Variants in PRICKLE2 observed in about 807,000 individuals in gnomAD.
PRICKLE2 encodes prickle planar cell polarity protein 2, also known as prickle-like protein 2.
A neutral mutation model predicts 81.4 loss-of-function variants in PRICKLE2; 21 were observed. The observed-to-expected ratio is 0.26, with a 90% confidence interval of 0.18 to 0.37. PRICKLE2 has a LOEUF of 0.37. Ranked by LOEUF, PRICKLE2 falls within the 10% of genes least tolerant of loss-of-function variation. The probability of loss-of-function intolerance (pLI) is 1.00; values close to 1 mark genes in which losing one functional copy is unlikely to be tolerated. For synonymous variants in PRICKLE2, 456 were observed against 421.5 expected (o/e 1.08, Z -1.00); for missense variants, 940 against 1,109.0 (o/e 0.85, Z 2.16).
chr3:64,176,499 A>G (rs1030837736), intron 2 of PRICKLE2, among the ~76,000 whole-genome samples: 4 of 152,232 alleles, frequency 2.6e-5, no homozygotes, highest in African/African-American at 9.6e-5. Context: ...AAGCAAAGAC[A>G]GAAGGAAATT....
intron 1 of PRICKLE2, among the ~76,000 whole-genome samples, chr3:64,205,405 C>T (rs1034003396): frequency 7.2e-5 from 11 of 152,186 alleles, no homozygotes; most frequent in African/African-American, 1.7e-4. Flanking sequence ...GTCATCTGCA[C>T]CAGTGGCCGT....
At chr3:64,130,820 A>G (rs2077186316) in intron 7 of PRICKLE2, among the ~76,000 whole-genome samples, 1 of 152,192 alleles carries the variant, frequency 6.6e-6, no homozygotes, top group Admixed American at 6.5e-5. Context: ...TCCAGGTATC[A>G]GTATTTCTTT....
chr3:64,096,257 AAG>A lies in PRICKLE2; in HGVS notation c.*2792_*2793del, dbSNP rs1172608614. The A allele has an allele frequency of 6.6e-6, 1 of 152,272 alleles. No individual in the cohort carries two copies. Among genetic ancestry groups the A allele is most frequent in the Non-Finnish European group, 1.5e-5 (1 of 68,070 alleles). 9.4% of individuals were successfully genotyped at this position (152,272 alleles called of 1,614,324 possible). A position where few individuals can be genotyped will look rare whatever the true frequency, so the allele number is the denominator to read the frequency against. The stretch of plus-strand genomic sequence containing the variant: ...TCTCTTGAAGATGGAATTATGATCT[AAG>A]AGGAAGTGAGTACAGGCCCTACTCA... On this transcript the variant is annotated 3_prime_UTR_variant, in exon 8 of 8. Coordinates refer to ENST00000638394, the MANE Select transcript of PRICKLE2 (RefSeq NM_198859.4).
At chr3:64,262,551 G>T (rs1274545139) in intron 2 of PRICKLE2, among the ~76,000 whole-genome samples, 1 of 151,852 alleles carries the variant, frequency 6.6e-6, no homozygotes, top group Non-Finnish European at 1.5e-5. Flanking sequence ...CCATGGGCTG[G>T]ATGGCGTCAA....
At chr3:64,113,736 T>C (rs999036223) in intron 7 of PRICKLE2, among the ~76,000 whole-genome samples, 9 of 151,464 alleles carry the variant, frequency 5.9e-5, no homozygotes, top group Admixed American at 3.3e-4. Context: ...CCTGCCCTTA[T>C]ACTAATACTG....
intron 2 of PRICKLE2, among the ~76,000 whole-genome samples, chr3:64,181,035 A>G (rs2078122682): frequency 6.6e-6 from 1 of 152,210 alleles, no homozygotes; most frequent in South Asian, 2.1e-4. Context: ...ATCAGAATCT[A>G]TAACAAATGA....
intron 6 of PRICKLE2, among the ~76,000 whole-genome samples, chr3:64,150,939 AG>A (rs1411612592): frequency 6.6e-6 from 1 of 152,198 alleles, no homozygotes; most frequent in Non-Finnish European, 1.5e-5. Context: ...CATCTGGAAA[AG>A]GGCTCTGCTG....
At chr3:64,228,723 G>C (rs1017799277), upstream of PRICKLE2, among the ~76,000 whole-genome samples, 5 of 152,148 alleles carry the variant, frequency 3.3e-5, no homozygotes, top group African/African-American at 1.2e-4. Flanking sequence ...ATACATATGA[G>C]AAACTCAACC....
At chr3:64,152,278 T>C (rs2077559838) in intron 6 of PRICKLE2, among the ~76,000 whole-genome samples, 1 of 152,196 alleles carries the variant, frequency 6.6e-6, no homozygotes, top group East Asian at 1.9e-4. Flanking sequence ...AGCCACTGGA[T>C]GATCTGGCTG....
At chr3:64,131,136 C>T (rs1424643168) in intron 7 of PRICKLE2, among the ~76,000 whole-genome samples, 3 of 152,188 alleles carry the variant, frequency 2.0e-5, no homozygotes, top group East Asian at 1.9e-4. Context: ...TGGTCCCAGT[C>T]GCTGAATTTG....
intron 1 of PRICKLE2, chr3:64,199,194 T>C (rs1232351506): frequency 1.7e-6 from 1 of 602,018 alleles, no homozygotes; most frequent in East Asian, 2.8e-5. Flanking sequence ...CAGGTAAGCA[T>C]GCTAAGGGTG....
chr3:64,202,390 A>G (rs2078599518), intron 1 of PRICKLE2, among the ~76,000 whole-genome samples: 1 of 152,206 alleles, frequency 6.6e-6, no homozygotes, highest in African/African-American at 2.4e-5. Context: ...ATCCATGAAC[A>G]CAGGCTACCT....
At chr3:64,115,397 C>T (rs1289857821) in intron 7 of PRICKLE2, among the ~76,000 whole-genome samples, 1 of 152,144 alleles carries the variant, frequency 6.6e-6, no homozygotes, top group Non-Finnish European at 1.5e-5. Flanking sequence ...TTAAAAGACA[C>T]AGTGTGGCAA....
chr3:64,105,581 G>C (rs575457622), intron 7 of PRICKLE2: 6 of 152,276 alleles, frequency 3.9e-5, no homozygotes, highest in African/African-American at 1.2e-4. Flanking sequence ...CTCCATCTCT[G>C]GTGATTCATT....
At chr3:64,234,878 G>C (rs1044226193) in intron 2 of PRICKLE2, among the ~76,000 whole-genome samples, 2 of 152,080 alleles carry the variant, frequency 1.3e-5, no homozygotes, top group Non-Finnish European at 2.9e-5. Context: ...TACCTACTTG[G>C]AGTACTTTGG....
intron 7 of PRICKLE2, among the ~76,000 whole-genome samples, chr3:64,125,343 T>C (rs1179944135): frequency 2.0e-5 from 3 of 152,224 alleles, no homozygotes; most frequent in Non-Finnish European, 4.4e-5. Flanking sequence ...ACCTAGTGGA[T>C]AAAGCAGTGG....
chr3:64,240,111 C>A (rs2079241568), intron 2 of PRICKLE2, among the ~76,000 whole-genome samples: 1 of 152,078 alleles, frequency 6.6e-6, no homozygotes, highest in South Asian at 2.1e-4. Context: ...CGACAGAGAC[C>A]CTGTCTCAAA....
chr3:64,210,580 C>G (rs904507724), intron 1 of PRICKLE2, among the ~76,000 whole-genome samples: 2 of 152,170 alleles, frequency 1.3e-5, no homozygotes, highest in Non-Finnish European at 2.9e-5. Flanking sequence ...GCTTCTCTCT[C>G]CCAGGGGTTG....
At chr3:64,202,554 T>C (rs1463520941) in intron 1 of PRICKLE2, among the ~76,000 whole-genome samples, 2 of 152,146 alleles carry the variant, frequency 1.3e-5, no homozygotes, top group African/African-American at 2.4e-5. Flanking sequence ...GTAGTTATTG[T>C]ATAGAAACAT....
Sources: gnomAD v4.1 joint callset for allele counts (sites outside exome capture counted in the v4.1 genomes callset) on GRCh38, gnomAD v4.1.1 for gene constraint, MANE v1.5 for transcripts, NCBI Gene and HGNC (gene_info 2026-07-23, HGNC 2026-07-21) for gene names.